Variants in PPP1R13B observed in about 807,000 individuals in gnomAD.
PPP1R13B encodes the protein protein phosphatase 1 regulatory subunit 13B, also known as apoptosis-stimulating of p53 protein 1.
PPP1R13B carries 44 observed loss-of-function variants against 119.8 expected under a neutral mutation model. The ratio of observed to expected loss-of-function variants is 0.37; its 90% CI spans 0.29 to 0.47. PPP1R13B has a LOEUF of 0.47. Among genes scored for constraint, PPP1R13B ranks in the 20% least tolerant of loss-of-function variants. The pLI, the probability that PPP1R13B is intolerant of heterozygous loss-of-function variation, is 0.99. For synonymous variants in PPP1R13B, 542 were observed against 561.5 expected, an observed-to-expected ratio of 0.97 and a Z score of 0.49; for missense variants, 1,227 against 1,413.5, an observed-to-expected ratio of 0.87 and a Z score of 2.12.
At chr14:103,743,011 A>G in intron 9 of PPP1R13B, 188 bp from the exon 10 acceptor site, 1 of 637,668 alleles carries the variant, frequency 1.6e-6, no homozygotes, top group Non-Finnish European at 2.6e-6. Flanking sequence ...AGACCCGTGC[A>G]CAAGACCAAG....
intron 1 of PPP1R13B, among the ~76,000 whole-genome samples, chr14:103,808,871 A>C (rs1359875327): frequency 6.6e-6 from 1 of 151,882 alleles, no homozygotes; most frequent in South Asian, 2.1e-4. Flanking sequence ...ATTTTTTTTA[A>C]TGTTTCTTTT....
At chr14:103,748,061 TCACATACACACACA>T (rs1221295956) in intron 8 of PPP1R13B, among the ~76,000 whole-genome samples, 3 of 111,298 alleles carry the variant, frequency 2.7e-5, no homozygotes, top group African/African-American at 7.5e-5. Context: ...ATTCCTTAAA[TCACATACACACACA>T]CACACACACA....
chr14:103,753,667 G>C (rs777689879), intron 6 of PPP1R13B, among the ~76,000 whole-genome samples: 1 of 152,160 alleles, frequency 6.6e-6, no homozygotes, highest in Non-Finnish European at 1.5e-5. Flanking sequence ...GTAAGTCTTG[G>C]AGCGCCCCAC....
At position 103,741,820 on chromosome 14, in the gene PPP1R13B, G is replaced by A. The variant is rs779672911; in HGVS notation, c.1792C>T (p.His598Tyr). The A allele has an allele frequency of 2.5e-6, 4 of 1,614,114 alleles. No individual in the cohort carries two copies. Among genetic ancestry groups the A allele is most frequent in the Admixed American group, 1.7e-5 (1 of 60,012 alleles). ...TTAACTGACTTATTTAAGGCGCTGTGTGCTGCCGGCTGGTAATTCTTAGGT... is the reference window on the plus strand; with the variant it reads ...TTAACTGACTTATTTAAGGCGCTGTATGCTGCCGGCTGGTAATTCTTAGGT... ...TPPKNYQPAA[H>Y]SALNKSVKAV... The change falls in exon 11 of 17, where the codon CAC (histidine) becomes TAC (tyrosine). Residue 598 changes from histidine to tyrosine, a missense_variant. Coordinates refer to ENST00000202556, the MANE Select transcript of PPP1R13B (RefSeq NM_015316.3).
chr14:103,738,383 C>G lies in PPP1R13B; in HGVS notation c.2864+296G>C. The G allele has an allele frequency of 2.3e-6, 1 of 436,568 alleles. No individual in the cohort carries two copies. The highest frequency in any genetic ancestry group is 3.6e-5 in the Admixed American group (1 of 27,962). The allele number at this position is 436,568 out of a possible 1,614,324, so 27.0% of individuals were successfully genotyped here. On this transcript the variant is annotated intron_variant, in intron 14 of 16. Transcript: ENST00000202556. This position sits in a 1 kb window ranked among gnomAD's most constrained non-coding sequence, Gnocchi z 5.6. ...GAGCACAGAGTGTGAAGAGTCCATA[C>G]GGAACATATGAGAAGGGGAAGATGG...
chr14:103,826,852 CA>C (rs1192090906), intron 1 of PPP1R13B, among the ~76,000 whole-genome samples: 13 of 145,882 alleles, frequency 8.9e-5, no homozygotes, highest in Non-Finnish European at 1.5e-4. Context: ...ACTAAAAATA[CA>C]AAAAAAAAAT....
At chr14:103,749,611 A>C (rs1189662815) in intron 8 of PPP1R13B, among the ~76,000 whole-genome samples, 183 bp downstream of exon 8, 1 of 152,236 alleles carries the variant, frequency 6.6e-6, no homozygotes, top group Admixed American at 6.5e-5. Flanking sequence ...CTGCCTCCAC[A>C]CACCAGGAAA....
intron 1 of PPP1R13B, among the ~76,000 whole-genome samples, chr14:103,841,025 G>A (rs1194295163): frequency 5.3e-5 from 8 of 152,060 alleles, no homozygotes; most frequent in African/African-American, 1.7e-4. Flanking sequence ...AGTGGCTCAC[G>A]CCTGTAATCC....
In PPP1R13B at chr14:103,739,937, C is replaced by CCCCA. The variant is rs2084209877; in HGVS notation, c.2478_2479insTGGG (p.Val827TrpfsTer14). 1 of 1,613,982 alleles carries CCCCA rather than the reference C, an allele frequency of 6.2e-7. No homozygotes were observed. Among genetic ancestry groups the CCCCA allele is most frequent in the Admixed American group, 1.7e-5 (1 of 60,010 alleles). ...CTCGGGATCTGCTCCGTGGTGGGGA[C>CCCCA]CGTGGCCACGTTGTTGTTATTGTCC... On this transcript the variant is annotated frameshift_variant, in exon 12 of 17. Transcript: ENST00000202556. LOFTEE classifies it high-confidence loss of function.
At position 103,746,357 on chromosome 14, in the gene PPP1R13B, G is replaced by A. The variant is rs536835810; in HGVS notation, c.1150+16C>T. 7.1e-5 allele frequency: 110 copies of A among 1,555,758 alleles called. No homozygotes were observed. The highest frequency in any genetic ancestry group is 9.2e-5 in the Non-Finnish European group (106 of 1,146,776). On this transcript the variant is annotated intron_variant, in intron 9 of 16. Transcript: ENST00000202556. ...CTCACAAACTCTCCCCCAGGAAGAG[G>A]GCCAGGACCACTCACCGGATTTGGA...
At position 103,746,453 on chromosome 14, in the gene PPP1R13B, C is replaced by T. The variant is rs758760111; in HGVS notation, c.1070G>A (p.Ser357Asn). ...TATAGGGTCCCCCAGCACAGGAAAG[C>T]TTCCGGCACTGGGAACCTGGATATA... ...GPYIQVPSAG[S>N]FPVLGDPIKP... The change falls in exon 9 of 17, where the codon AGC (serine) becomes AAC (asparagine). Residue 357 changes from serine to asparagine, a missense_variant. Coordinates refer to ENST00000202556, the MANE Select transcript of PPP1R13B (RefSeq NM_015316.3). The T allele has an allele frequency of 1.9e-5, 30 of 1,614,082 alleles. No homozygotes were observed. Among genetic ancestry groups the T allele is most frequent in the Non-Finnish European group, 2.5e-5 (29 of 1,180,018 alleles).
chr14:103,846,159 A>G (rs1023594974), intron 1 of PPP1R13B, among the ~76,000 whole-genome samples: 3 of 152,206 alleles, frequency 2.0e-5, no homozygotes, highest in African/African-American at 7.2e-5. Context: ...TAGAAACCCA[A>G]CAAGTCTGAT....
rs569043201 is a variant in PPP1R13B at position 103,838,539 on chromosome 14, T to C, written c.9+8760A>G. On this transcript the variant is annotated intron_variant, in intron 1 of 16. Transcript: ENST00000202556. ...AGTGGCAATAGTTGTCTCGTGCATA[T>C]ACTGAAAACCAATGAACTGTACACA... Among the ~76,000 whole-genome samples, 8 of 152,302 alleles carry C rather than the reference T, an allele frequency of 5.3e-5. No individual in the cohort carries two copies. In the East Asian group the frequency reaches 9.6e-4, roughly 18 times the overall value.
chr14:103,791,627 A>C (rs2085623750), intron 2 of PPP1R13B, among the ~76,000 whole-genome samples: 1 of 152,194 alleles, frequency 6.6e-6, no homozygotes, highest in African/African-American at 2.4e-5. Context: ...CGGGAGGCTG[A>C]GGTGGAGAAT....
chr14:103,797,304 A>C (rs543635943), intron 2 of PPP1R13B, 67 bp downstream of exon 2: 1 of 1,457,902 alleles, frequency 6.9e-7, no homozygotes, highest in South Asian at 1.5e-5. Flanking sequence ...AATCCAGCAC[A>C]AGCTTAGCTA....
rs745444151 is a variant in PPP1R13B, at chr14:103,847,320, C to A, written c.-13G>T. 1.1e-4 allele frequency: 131 copies of A among 1,216,618 alleles called. No individual in the cohort carries two copies. The African/African-American group carries it at 2.1e-3, about 19-fold the overall frequency. 75.4% of individuals were successfully genotyped at this position (1,216,618 alleles called of 1,614,324 possible). ...CCACCGGCATCATCGCGGGGAGAGT[C>A]CGCGACGCCCTCGGCCGCCGCCTGA... On this transcript the variant is annotated 5_prime_UTR_variant, in exon 1 of 17. Coordinates refer to ENST00000202556, the MANE Select transcript of PPP1R13B (RefSeq NM_015316.3).
intron 1 of PPP1R13B, among the ~76,000 whole-genome samples, chr14:103,842,371 C>G (rs542490787): frequency 2.1e-5 from 3 of 146,128 alleles, no homozygotes; most frequent in Non-Finnish European, 3.0e-5. Context: ...GGCACTGTCT[C>G]GGCTCACTGC....
rs141034696 is a variant in PPP1R13B at position 103,754,607 on chromosome 14, T to C, written c.457-363A>G. On this transcript the variant is annotated intron_variant, in intron 5 of 16. Transcript: ENST00000202556. ...AAAAATTGAAACTTATGATTACTTT[T>C]ATATACTCAAAAAGAAAAATGTGAG... Among the ~76,000 whole-genome samples, 47 of 151,326 alleles carry C rather than the reference T, an allele frequency of 3.1e-4. No individual in the cohort carries two copies. The East Asian group carries it at 7.9e-3, about 26-fold the overall frequency.
At chr14:103,743,634 C>A (rs1004299604) in intron 9 of PPP1R13B, among the ~76,000 whole-genome samples, 1 of 152,226 alleles carries the variant, frequency 6.6e-6, no homozygotes, top group Non-Finnish European at 1.5e-5. Context: ...ATGGGACAGA[C>A]AGAAATCAGA....
Sources: allele counts gnomAD v4.1 joint callset (sites outside exome capture counted in the v4.1 genomes callset), GRCh38; gene constraint gnomAD v4.1.1; non-coding constraint Gnocchi (gnomAD v3.1); transcripts MANE v1.5; gene names NCBI Gene and HGNC (gene_info 2026-07-23, HGNC 2026-07-21).